HOMER1: variants seen among roughly 807,000 people sequenced by gnomAD.
The protein encoded by HOMER1 is homer protein homolog 1.
Under a neutral mutation model 48.9 loss-of-function variants are expected in HOMER1, and 3 were observed. The ratio of observed to expected loss-of-function variants is 0.06; its 90% confidence interval spans 0.03 to 0.16. The LOEUF is 0.16. HOMER1 is among the 10% of genes least tolerant of loss of function. The pLI is 1.00. For synonymous variants in HOMER1, 134 were observed against 146.4 expected, an observed-to-expected ratio of 0.92 and a Z score of 0.61; for missense variants, 247 against 411.4, an observed-to-expected ratio of 0.60 and a Z score of 3.46.
intron 1 of HOMER1, among the ~76,000 whole-genome samples, chr5:79,458,429 T>A (rs1751231058): frequency 6.6e-6 from 1 of 152,116 alleles, no homozygotes; most frequent in South Asian, 2.1e-4. Context: ...TGAAGAATTT[T>A]AAAATTTCTA....
chr5:79,484,568 A>G (rs1176908984), intron 1 of HOMER1, among the ~76,000 whole-genome samples: 1 of 152,228 alleles, frequency 6.6e-6, no homozygotes, highest in East Asian at 1.9e-4. Context: ...AATTAAAAAA[A>G]TAAAAAATAA....
chr5:79,469,465 G>A (rs1379781114), intron 1 of HOMER1, among the ~76,000 whole-genome samples: 1 of 152,132 alleles, frequency 6.6e-6, no homozygotes, highest in South Asian at 2.1e-4. Context: ...TCTAGTCACA[G>A]GTACTAATTA....
chr5:79,380,568 CT>C (rs1748942923), intron 8 of HOMER1, among the ~76,000 whole-genome samples: 1 of 152,224 alleles, frequency 6.6e-6, no homozygotes, highest in South Asian at 2.1e-4. Flanking sequence ...TGGCATTGTC[CT>C]TCTGAGCAGC....
chr5:79,473,095 A>G (rs964745632), intron 1 of HOMER1, among the ~76,000 whole-genome samples: 8 of 152,246 alleles, frequency 5.3e-5, no homozygotes, highest in African/African-American at 1.9e-4. Flanking sequence ...AAAGCTAGAT[A>G]AAAATTCCTA....
At chr5:79,459,197 T>C (rs962321067) in intron 1 of HOMER1, among the ~76,000 whole-genome samples, 1 of 152,134 alleles carries the variant, frequency 6.6e-6, no homozygotes, top group South Asian at 2.1e-4. Flanking sequence ...CTAATAAACA[T>C]CTTTTCTAAA....
At chr5:79,439,183 T>C (rs762998645) in intron 4 of HOMER1, 34 bp from the exon 5 acceptor site, 17 of 1,609,712 alleles carry the variant, frequency 1.1e-5, no homozygotes, top group Middle Eastern at 3.3e-4. Context: ...AAAAAATAGT[T>C]ACACTTTTGT....
chr5:79,418,471 C>T (rs116346325), intron 5 of HOMER1, among the ~76,000 whole-genome samples: 246 of 146,728 alleles, frequency 1.7e-3, no homozygotes, highest in African/African-American at 6.1e-3. Flanking sequence ...AACAACACGA[C>T]AGAAATCCCT....
At position 79,400,933 on chromosome 5, in the gene HOMER1, GA is replaced by G. The variant is rs1186755531; in HGVS notation, c.684+965del. On this transcript the variant is annotated intron_variant, in intron 6 of 8. Transcript: ENST00000334082. ...TTAATTAAAAAAAAAAAAGAAAAAA[GA>G]TTTTTTTTTTTTTTTTTTTTAATGG... Among the ~76,000 whole-genome samples the G allele has an allele frequency of 1.6e-3, 184 of 115,546 alleles. 1 individual carries two copies. The highest frequency in any genetic ancestry group is 5.4e-3 in the African/African-American group (146 of 27,256). 75.8% of individuals were successfully genotyped at this position (115,546 alleles called of 152,430 possible).
At chr5:79,422,054 C>T (rs1479349627) in intron 5 of HOMER1, among the ~76,000 whole-genome samples, 3 of 151,960 alleles carry the variant, frequency 2.0e-5, no homozygotes, top group East Asian at 3.9e-4. Context: ...TGGTGAAACC[C>T]TATCTCTAAG....
intron 1 of HOMER1, among the ~76,000 whole-genome samples, chr5:79,460,030 T>G (rs112382050): frequency 8.6e-5 from 13 of 151,980 alleles, no homozygotes; most frequent in African/African-American, 3.1e-4. Flanking sequence ...CTTTCTTTCT[T>G]TTCTTTAACA....
chr5:79,476,051 TTGAAA>T (rs1380825340), intron 1 of HOMER1, among the ~76,000 whole-genome samples: 2 of 152,172 alleles, frequency 1.3e-5, no homozygotes, highest in African/African-American at 4.8e-5. Flanking sequence ...ACCGTTGTTA[TTGAAA>T]TATTATACCT....
intron 8 of HOMER1, among the ~76,000 whole-genome samples, chr5:79,379,468 T>A (rs1416200521): frequency 1.7e-5 from 2 of 115,328 alleles, no homozygotes; most frequent in Non-Finnish European, 3.5e-5. Context: ...AATATATATT[T>A]TATATATAAA....
intron 1 of HOMER1, among the ~76,000 whole-genome samples, chr5:79,466,861 G>C (rs374352852): frequency 6.6e-6 from 1 of 151,754 alleles, no homozygotes; most frequent in African/African-American, 2.4e-5. Context: ...GCACAATCTC[G>C]GCTCACTGCA....
intron 1 of HOMER1, among the ~76,000 whole-genome samples, chr5:79,470,687 T>C (rs1315754052): frequency 6.6e-6 from 1 of 152,180 alleles, no homozygotes; most frequent in Non-Finnish European, 1.5e-5. Context: ...TGTTAGTCAT[T>C]AAATTCAATG....
intron 1 of HOMER1, among the ~76,000 whole-genome samples, chr5:79,497,127 C>A (rs1354636215): frequency 6.8e-6 from 1 of 146,918 alleles, no homozygotes; most frequent in Non-Finnish European, 1.5e-5. Flanking sequence ...CGACACTGGA[C>A]AAACTTAAGG....
intron 1 of HOMER1, among the ~76,000 whole-genome samples, chr5:79,506,339 T>G (rs978325009): frequency 2.6e-5 from 4 of 152,216 alleles, no homozygotes; most frequent in Non-Finnish European, 4.4e-5. Flanking sequence ...CAGCATTGAT[T>G]CTTATCAGTT....
chr5:79,488,251 T>C (rs116314443), intron 1 of HOMER1, among the ~76,000 whole-genome samples: 256 of 152,298 alleles, frequency 1.7e-3, no homozygotes, highest in African/African-American at 6.0e-3. Flanking sequence ...GAGAGGTGAT[T>C]AGGCAGTGCC....
intron 3 of HOMER1, among the ~76,000 whole-genome samples, chr5:79,447,816 C>T (rs1750924856): frequency 6.6e-6 from 1 of 152,044 alleles, no homozygotes; most frequent in Non-Finnish European, 1.5e-5. Flanking sequence ...ACATCCTGGC[C>T]ACAAAGAATA....
At chr5:79,392,019 T>C (rs1033325563) in intron 8 of HOMER1, among the ~76,000 whole-genome samples, 15 of 152,236 alleles carry the variant, frequency 9.9e-5, no homozygotes, top group Admixed American at 2.0e-4. Flanking sequence ...GCCGTACTCA[T>C]GTGTTTGTGG....
Sources: gnomAD v4.1 joint callset for allele counts (sites outside exome capture counted in the v4.1 genomes callset) on GRCh38, gnomAD v4.1.1 for gene constraint, MANE v1.5 for transcripts, NCBI Gene and HGNC (gene_info 2026-07-23, HGNC 2026-07-21) for gene names.